The following MAN2A1 variants were observed in gnomAD, a reference collection of about 807,000 sequenced individuals.
The protein encoded by MAN2A1 is alpha-mannosidase 2.
MAN2A1 carries 76 observed loss-of-function variants against 142.6 expected under a neutral mutation model. The ratio of observed to expected loss-of-function variants is 0.53; its 90% confidence interval spans 0.44 to 0.65. MAN2A1 has a LOEUF of 0.65. MAN2A1 is among the 30% of genes least tolerant of loss of function. The pLI is 0.00. For missense variants in MAN2A1, 1,311 were observed against 1,365.1 expected (o/e 0.96, Z 0.62); for synonymous variants, 559 against 473.2 (o/e 1.18, Z -2.35).
At chr5:109,722,231 C>G (rs1751624410) in intron 3 of MAN2A1, among the ~76,000 whole-genome samples, 1 of 152,130 alleles carries the variant, frequency 6.6e-6, no homozygotes, top group Non-Finnish European at 1.5e-5. Flanking sequence ...AGCTATCTTG[C>G]AAAAGTGGAC....
intron 12 of MAN2A1, among the ~76,000 whole-genome samples, chr5:109,805,509 A>T (rs1271320809): frequency 6.6e-6 from 1 of 152,172 alleles, no homozygotes; most frequent in Non-Finnish European, 1.5e-5. Flanking sequence ...GTGGACATTG[A>T]TACCAACTCT....
chr5:109,847,588 T>A lies in MAN2A1; in HGVS notation c.2843-69T>A, dbSNP rs191741300. 2,121 of 1,327,326 alleles carry A rather than the reference T, an allele frequency of 1.6e-3. 7 individuals are homozygous for A. The highest frequency in any genetic ancestry group is 1.0e-2 in the Admixed American group (308 of 30,942). The allele number at this position is 1,327,326 out of a possible 1,614,324, so 82.2% of individuals were successfully genotyped here. A position where few individuals can be genotyped will look rare whatever the true frequency, so the allele number is the denominator to read the frequency against. ...CAATACATCATGACTGCTACTTAAG[T>A]GATGCTCAATGAATGTCAGTATTAA... On this transcript the variant is annotated intron_variant, in intron 18 of 21. Coordinates refer to ENST00000261483, the MANE Select transcript of MAN2A1 (RefSeq NM_002372.4).
At chr5:109,800,956 A>T (rs1444433354) in intron 12 of MAN2A1, among the ~76,000 whole-genome samples, 1 of 152,212 alleles carries the variant, frequency 6.6e-6, no homozygotes, top group Non-Finnish European at 1.5e-5. Flanking sequence ...TTGATTTAGA[A>T]TCATCTCGCA....
intron 4 of MAN2A1, among the ~76,000 whole-genome samples, chr5:109,736,961 C>A (rs189684424): frequency 6.6e-6 from 1 of 152,066 alleles, no homozygotes; most frequent in African/African-American, 2.4e-5. Flanking sequence ...AATAACTGTA[C>A]TACTGTTTTC....
At chr5:109,759,752 G>A (rs891337420) in intron 5 of MAN2A1, among the ~76,000 whole-genome samples, 2 of 152,018 alleles carry the variant, frequency 1.3e-5, no homozygotes, top group Non-Finnish European at 2.9e-5. Context: ...CCACATTTTT[G>A]CCAGTGTTTG....
intron 1 of MAN2A1, among the ~76,000 whole-genome samples, chr5:109,703,137 A>G (rs1385967610): frequency 2.0e-5 from 3 of 152,208 alleles, no homozygotes; most frequent in Admixed American, 6.5e-5. Context: ...GATCTCAGAC[A>G]TGTCAGTTGC....
At chr5:109,837,292 G>T (rs903208072) in intron 16 of MAN2A1, among the ~76,000 whole-genome samples, 5 of 151,790 alleles carry the variant, frequency 3.3e-5, no homozygotes, top group Non-Finnish European at 7.4e-5. Flanking sequence ...TTGTTTTAAA[G>T]AGTTTTTGGG....
chr5:109,814,060 G>A (rs1754389973), intron 12 of MAN2A1, among the ~76,000 whole-genome samples: 1 of 152,158 alleles, frequency 6.6e-6, no homozygotes, highest in South Asian at 2.1e-4. Context: ...GTCACAGTGA[G>A]AACTAGGAGG....
chr5:109,758,650 GATTAA>G lies in MAN2A1; in HGVS notation c.835+3200_835+3204del, dbSNP rs1232056799. 4.7e-5 allele frequency among the ~76,000 whole-genome samples: 7 copies of G among 148,638 alleles called. No individual in the cohort carries two copies. The Admixed American group carries it at 4.7e-4, about 10-fold the overall frequency. On this transcript the variant is annotated intron_variant, in intron 5 of 21. Coordinates refer to ENST00000261483, the MANE Select transcript of MAN2A1 (RefSeq NM_002372.4). ...TTTTAGCTCTTACATTTATGTCAGT[GATTAA>G]ATTAACTAAATATTATATTTAGTTA...
At chr5:109,826,421 C>G (rs373814948) in intron 16 of MAN2A1, among the ~76,000 whole-genome samples, 1 of 151,872 alleles carries the variant, frequency 6.6e-6, no homozygotes. Flanking sequence ...CATTCTAGTC[C>G]GGATCATTTT....
At chr5:109,842,289 T>C (rs1755226247) in intron 16 of MAN2A1, 39 bp from the exon 17 acceptor site, 7 of 1,352,850 alleles carry the variant, frequency 5.2e-6, no homozygotes, top group Non-Finnish European at 6.0e-6. Context: ...AGGCAAGTAA[T>C]TTCTTTCTAT....
intron 5 of MAN2A1, among the ~76,000 whole-genome samples, chr5:109,762,464 A>G (rs1201848852): frequency 6.6e-6 from 1 of 152,080 alleles, no homozygotes. Flanking sequence ...CTTTTTCTAC[A>G]ACGTGAAGGT....
In MAN2A1 at chr5:109,868,954, A is replaced by G. The variant is rs1029240011; in HGVS notation, c.*1956A>G. The G allele has an allele frequency of 6.6e-6, 1 of 152,066 alleles. No individual in the cohort carries two copies. Among genetic ancestry groups the G allele is most frequent in the African/African-American group, 2.4e-5 (1 of 41,416 alleles). The allele number at this position is 152,066 out of a possible 1,614,324, so 9.4% of individuals were successfully genotyped here. ...CAGATGAAATAAAAAAAAAATCTTG[A>G]TGCAATAACAGTGGTTTTGCCACTT... On this transcript the variant is annotated 3_prime_UTR_variant, in exon 22 of 22. Coordinates refer to ENST00000261483, the MANE Select transcript of MAN2A1 (RefSeq NM_002372.4).
chr5:109,720,266 T>G (rs993115002), intron 3 of MAN2A1, among the ~76,000 whole-genome samples: 1 of 152,218 alleles, frequency 6.6e-6, no homozygotes, highest in Admixed American at 6.5e-5. Flanking sequence ...GACTCTAAAA[T>G]AGTAGGAAGA....
chr5:109,771,552 C>G (rs1005252112), intron 7 of MAN2A1, among the ~76,000 whole-genome samples: 2 of 152,044 alleles, frequency 1.3e-5, no homozygotes, highest in African/African-American at 4.8e-5. Flanking sequence ...AAAAACTGCC[C>G]AAGGTTAGGG....
At chr5:109,733,242 T>G (rs1442683996) in intron 4 of MAN2A1, among the ~76,000 whole-genome samples, 1 of 152,228 alleles carries the variant, frequency 6.6e-6, no homozygotes, top group East Asian at 1.9e-4. Context: ...AAGTTGCTTA[T>G]CAGCTTAAGG....
chr5:109,757,433 A>G (rs975642304), intron 5 of MAN2A1, among the ~76,000 whole-genome samples: 6 of 152,142 alleles, frequency 3.9e-5, no homozygotes, highest in African/African-American at 1.4e-4. Context: ...TCATCCCCTC[A>G]TCTTTCCACT....
chr5:109,712,095 C>CT (rs34625389), intron 1 of MAN2A1, among the ~76,000 whole-genome samples: 38,646 of 143,738 alleles, frequency 0.27, 5,450 homozygotes, highest in East Asian at 0.65. Flanking sequence ...ATTTTGGCTA[C>CT]TTTTTTTTTT....
At chr5:109,690,703 C>G (rs1750642540) in intron 1 of MAN2A1, 151 bp downstream of exon 1, 2 of 895,464 alleles carry the variant, frequency 2.2e-6, no homozygotes, top group Non-Finnish European at 3.4e-6. Flanking sequence ...CGGCAATGAT[C>G]ACCTCCTGGG....
Sources: allele counts gnomAD v4.1 joint callset (sites outside exome capture counted in the v4.1 genomes callset), GRCh38; gene constraint gnomAD v4.1.1; transcripts MANE v1.5; gene names NCBI Gene and HGNC (gene_info 2026-07-23, HGNC 2026-07-21).